MYO1H: variants seen among roughly 807,000 people sequenced by gnomAD.
The protein encoded by MYO1H is myosin IH, also known as unconventional myosin-Ih.
A neutral mutation model predicts 149.3 loss-of-function variants in MYO1H; 118 were observed. The ratio of observed to expected loss-of-function variants is 0.79; its 90% confidence interval spans 0.68 to 0.92. MYO1H has a LOEUF of 0.92. Among genes scored for constraint, MYO1H ranks in the 40% least tolerant of loss-of-function variants. The probability of loss-of-function intolerance (pLI) is 0.00; values close to 1 mark genes in which losing one functional copy is unlikely to be tolerated. For synonymous variants in MYO1H, 447 were observed against 465.2 expected, an observed-to-expected ratio of 0.96 and a Z score of 0.50; for missense variants, 1,212 against 1,280.7, an observed-to-expected ratio of 0.95 and a Z score of 0.82.
intron 25 of MYO1H, 66 bp from the exon 26 acceptor site, chr12:109,441,549 T>C: frequency 9.2e-7 from 1 of 1,085,364 alleles, no homozygotes; most frequent in Non-Finnish European, 1.4e-6. Flanking sequence ...TCAATGGGTC[T>C]AGAGCTCTTC....
At chr12:109,341,548 A>C in the MYO1H span, among the ~76,000 whole-genome samples, 2 of 152,210 alleles carry the variant, frequency 1.3e-5, no homozygotes, top group Non-Finnish European at 2.9e-5. Context: ...AATGGCAGGC[A>C]GAAGAGTAGG....
rs34384902 is a variant in MYO1H at position 109,443,298 on chromosome 12, GTA to G, written c.2689-210_2689-209del. On this transcript the variant is annotated intron_variant, in intron 27 of 31. Transcript: ENST00000310903. ...TGTATATGTGTACGTATATATGTGTGTATATATGTGTACGTATATATGTGTGT... is the reference window on the plus strand; with the variant it reads ...TGTATATGTGTACGTATATATGTGTGTATATGTGTACGTATATATGTGTGT... Among the ~76,000 whole-genome samples the G allele has an allele frequency of 3.1e-4, 42 of 134,596 alleles. 2 individuals are homozygous for G. The highest frequency in any genetic ancestry group is 1.0e-4 in the Non-Finnish European group (7 of 67,394). The allele number at this position is 134,596 out of a possible 152,430, so 88.3% of individuals were successfully genotyped here. A position where few individuals can be genotyped will look rare whatever the true frequency, so the allele number is the denominator to read the frequency against.
chr12:109,407,659 CT>C, intron 9 of MYO1H, 134 bp from the exon 10 acceptor site: 1 of 683,028 alleles, frequency 1.5e-6, no homozygotes, highest in Non-Finnish European at 2.1e-6. Context: ...GTCCCAGCTA[CT>C]GCATTCCAGG....
At chr12:109,365,833 G>A (rs1868854598) in intron 1 of MYO1H, among the ~76,000 whole-genome samples, 1 of 152,146 alleles carries the variant, frequency 6.6e-6, no homozygotes, top group Non-Finnish European at 1.5e-5. Context: ...CCTGGGCAGT[G>A]GACTGGTACC....
At chr12:109,407,861 G>A (rs1314853807) in exon 10 of MYO1H, 3 of 1,613,874 alleles carry the variant, frequency 1.9e-6, no homozygotes, top group African/African-American at 1.3e-5. Flanking sequence ...GCTGTTTATG[G>A]ACGAACGTTT....
At chr12:109,334,649 T>C in the MYO1H span, among the ~76,000 whole-genome samples, 1 of 152,230 alleles carries the variant, frequency 6.6e-6, no homozygotes, top group Non-Finnish European at 1.5e-5. Flanking sequence ...CTTGTCTATG[T>C]ATCTCGAAGC....
chr12:109,439,725 C>T (rs777322229), exon 24 of MYO1H: 47 of 1,613,770 alleles, frequency 2.9e-5, no homozygotes, highest in Non-Finnish European at 3.5e-5. Context: ...CTTGAATCTC[C>T]GGTATCACCT....
At chr12:109,392,915 T>C (rs1477464628) in intron 2 of MYO1H, among the ~76,000 whole-genome samples, 1 of 151,640 alleles carries the variant, frequency 6.6e-6, no homozygotes, top group East Asian at 2.0e-4. Context: ...GTTCAAGAGA[T>C]TCTCCTGCCT....
At chr12:109,430,747 G>A (rs1290617368) in intron 19 of MYO1H, among the ~76,000 whole-genome samples, 1 of 151,974 alleles carries the variant, frequency 6.6e-6, no homozygotes, top group African/African-American at 2.4e-5. Flanking sequence ...CCAACGTGGA[G>A]AAACCCTGTC....
chr12:109,447,055 C>T (rs1872513689), intron 31 of MYO1H, 104 bp from the exon 32 acceptor site: 1 of 1,224,592 alleles, frequency 8.2e-7, no homozygotes, highest in Non-Finnish European at 1.2e-6. Flanking sequence ...CTCACAGGCC[C>T]TCCACACCCA....
chr12:109,338,600 T>G, the MYO1H span, among the ~76,000 whole-genome samples: 1 of 152,074 alleles, frequency 6.6e-6, no homozygotes, highest in African/African-American at 2.4e-5. Flanking sequence ...AAACCTTGTC[T>G]CTACTAAAAA....
chr12:109,416,543 T>C (rs1260023500), intron 15 of MYO1H, among the ~76,000 whole-genome samples: 6 of 152,232 alleles, frequency 3.9e-5, no homozygotes, highest in Non-Finnish European at 7.3e-5. Flanking sequence ...ATTTTGTTCA[T>C]GCATTCATCA....
chr12:109,445,456 A>C lies in MYO1H; in HGVS notation c.2994-57A>C. ...ATAAGTGAATTTCTTCTGTAGACCA[A>C]AGGTTGAGAGAAGAAAATACAGTAT... On this transcript the variant is annotated intron_variant, in intron 30 of 31. Transcript: ENST00000310903. 6.9e-6 allele frequency: 9 copies of C among 1,311,560 alleles called. No individual in the cohort carries two copies. The South Asian group carries it at 1.1e-4, about 16-fold the overall frequency. 81.2% of individuals were successfully genotyped at this position (1,311,560 alleles called of 1,614,324 possible).
chr12:109,430,641 A>AT (rs1427825392), intron 19 of MYO1H, among the ~76,000 whole-genome samples: 1 of 152,148 alleles, frequency 6.6e-6, no homozygotes, highest in Non-Finnish European at 1.5e-5. Flanking sequence ...AAATAAAAAT[A>AT]TTTTTCACTG....
At chr12:109,441,532 T>A (rs1369528073) in intron 25 of MYO1H, 83 bp from the exon 26 acceptor site, 2 of 818,606 alleles carry the variant, frequency 2.4e-6, no homozygotes, top group Non-Finnish European at 1.9e-6. Context: ...CAGCAAAGGA[T>A]GTGACCTCAA....
chr12:109,407,952 G>A lies in MYO1H; in HGVS notation c.1155+39G>A, dbSNP rs369533064. ...TTTTGGATCCCTTGCTCTTGCTCAC[G>A]TGGTGATGTTTTATAATCATCGTTT... On this transcript the variant is annotated intron_variant, in intron 10 of 31. Transcript: ENST00000310903. 2.8e-5 allele frequency: 44 copies of A among 1,583,660 alleles called. No homozygotes were observed. The Middle Eastern group carries it at 6.6e-4, about 24-fold the overall frequency.
Position 109,420,887 on chromosome 12 carries a change from C to A in MYO1H, c.1598-94C>A, listed in dbSNP as rs145611065. The stretch of plus-strand genomic sequence containing the variant: ...AACTATGAGCTAATCCTAAGAAATT[C>A]TTTTTCAGAATTTCCCTTTGCAATG... On this transcript the variant is annotated intron_variant, in intron 15 of 31. Coordinates refer to ENST00000310903, the Ensembl canonical transcript of MYO1H. The A allele has an allele frequency of 5.1e-4, 376 of 744,230 alleles. No homozygotes were observed. The African/African-American group carries it at 5.9e-3, about 12-fold the overall frequency. 46.1% of individuals were successfully genotyped at this position (744,230 alleles called of 1,614,324 possible). A position where few individuals can be genotyped will look rare whatever the true frequency, so the allele number is the denominator to read the frequency against.
Position 109,426,017 on chromosome 12 carries a change from C to G in MYO1H, c.1797C>G (p.Ile599Met), listed in dbSNP as rs754880718. 2.9e-5 allele frequency: 47 copies of G among 1,613,838 alleles called. No individual in the cohort carries two copies. Among genetic ancestry groups the G allele is most frequent in the Non-Finnish European group, 3.9e-5 (46 of 1,179,806 alleles). Residue 599 changes from isoleucine (I) to methionine (M), a missense_variant, in exon 18 of 32, where the codon ATC becomes ATG. By Grantham distance (10) the Ile-to-Met change is conservative. Transcript: ENST00000310903. ...TCATCTCTAAGGAGCCCTCCTACAT[C>G]CGTTGCATCAAGCCCAACGACAGGA...
chr12:109,320,373 G>T, the MYO1H span, among the ~76,000 whole-genome samples: 1 of 148,496 alleles, frequency 6.7e-6, no homozygotes, highest in African/African-American at 2.5e-5. Flanking sequence ...ACTTTGGGAG[G>T]CCAAGGTGGG....
Sources: allele counts gnomAD v4.1 joint callset (sites outside exome capture counted in the v4.1 genomes callset), GRCh38; gene constraint gnomAD v4.1.1; transcripts MANE v1.5; gene names NCBI Gene and HGNC (gene_info 2026-07-23, HGNC 2026-07-21).